CCDC171: variants seen among roughly 807,000 people sequenced by gnomAD.
The protein encoded by CCDC171 is coiled-coil domain containing 171.
In CCDC171, 177 loss-of-function variants were observed where a neutral mutation model predicts 168.2. The observed-to-expected ratio is 1.05, with a 90% CI of 0.93 to 1.19. The LOEUF (loss-of-function observed/expected upper bound fraction) is 1.19. CCDC171 is among the 50% of genes most tolerant of loss of function. CCDC171 has a pLI of 0.00. For synonymous variants in CCDC171, 687 were observed against 540.8 expected, an observed-to-expected ratio of 1.27 and a Z score of -3.75; for missense variants, 1,991 against 1,539.0, an observed-to-expected ratio of 1.29 and a Z score of -4.91.
In CCDC171 at chr9:15,949,348, A is replaced by G. The variant is rs146463206; in HGVS notation, c.3754-22261A>G. On this transcript the variant is annotated intron_variant, in intron 25 of 25. Transcript: ENST00000380701. ...ATGAACTTTAAAGTAGTTTTTTCCA[A>G]TTCTGTGAAGAAAGTCATTAGTAGC... 3.7e-4 allele frequency among the ~76,000 whole-genome samples: 56 copies of G among 152,202 alleles called. No homozygotes were observed. In the East Asian group the frequency reaches 6.2e-3, roughly 17 times the overall value.
chr9:16,061,969 G>A (rs951482547), downstream of CCDC171, among the ~76,000 whole-genome samples: 4 of 152,128 alleles, frequency 2.6e-5, no homozygotes, highest in Non-Finnish European at 5.9e-5. Flanking sequence ...GTTACCAACA[G>A]TTTAAAACCA....
At chr9:15,604,392 CCTT>C (rs2043075731) in intron 6 of CCDC171, among the ~76,000 whole-genome samples, 1 of 152,138 alleles carries the variant, frequency 6.6e-6, no homozygotes, top group South Asian at 2.1e-4. Flanking sequence ...TCATGCCCCT[CCTT>C]TGTTATTTTT....
chr9:15,897,553 A>G (rs543109041), intron 24 of CCDC171, among the ~76,000 whole-genome samples: 16 of 152,236 alleles, frequency 1.1e-4, no homozygotes, highest in African/African-American at 2.6e-4. Flanking sequence ...TGAAATATTT[A>G]TTTACATAAA....
intron 1 of CCDC171, among the ~76,000 whole-genome samples, chr9:15,557,757 A>G (rs2038929625): frequency 6.6e-6 from 1 of 152,120 alleles, no homozygotes; most frequent in Non-Finnish European, 1.5e-5. Flanking sequence ...TGCCCTGGCC[A>G]GAAGTTCCAA....
chr9:15,859,831 T>A (rs2061488675), intron 23 of CCDC171, among the ~76,000 whole-genome samples: 1 of 151,750 alleles, frequency 6.6e-6, no homozygotes, highest in African/African-American at 2.4e-5. Context: ...TGCTAATTTT[T>A]AAATTATTAT....
In CCDC171 at chr9:15,699,275, G is replaced by C. The variant is rs150448101; in HGVS notation, c.1318+3938G>C. ...GTTGTTCGTTCCTCCCGGTGGGCTCGTGGGCTCGCTGGCTCAGGAGTGAAG... is the reference window on the plus strand; with the variant it reads ...GTTGTTCGTTCCTCCCGGTGGGCTCCTGGGCTCGCTGGCTCAGGAGTGAAG... On this transcript the variant is annotated intron_variant, in intron 11 of 25. Transcript: ENST00000380701. Among the ~76,000 whole-genome samples, 288 of 152,072 alleles carry C rather than the reference G, an allele frequency of 1.9e-3. 2 individuals carry two copies. Among genetic ancestry groups the C allele is most frequent in the African/African-American group, 6.1e-3 (255 of 41,480 alleles).
At chr9:15,610,444 TAAAA>T (rs754593075) in intron 6 of CCDC171, among the ~76,000 whole-genome samples, 92 of 12,692 alleles carry the variant, frequency 7.2e-3, no homozygotes, top group African/African-American at 0.016. Context: ...CCATCTCAAC[TAAAA>T]AAAAAAAAAA....
At chr9:15,715,021 A>G (rs891622144) in intron 11 of CCDC171, among the ~76,000 whole-genome samples, 1 of 152,184 alleles carries the variant, frequency 6.6e-6, no homozygotes, top group Admixed American at 6.5e-5. Flanking sequence ...GTCTCTTGTT[A>G]CCCAAGATCC....
the CCDC171 span, among the ~76,000 whole-genome samples, chr9:16,085,319 G>A: frequency 6.6e-6 from 1 of 152,246 alleles, no homozygotes. Context: ...TTACGACACT[G>A]TTGGAAGGGC....
chr9:15,791,155 G>C (rs2058239040), intron 21 of CCDC171, among the ~76,000 whole-genome samples: 2 of 152,148 alleles, frequency 1.3e-5, no homozygotes, highest in African/African-American at 4.8e-5. Flanking sequence ...TAGCTTGATG[G>C]GGATGGCACT....
upstream of CCDC171, among the ~76,000 whole-genome samples, chr9:16,039,186 T>C (rs76837545): frequency 1.2e-3 from 179 of 152,286 alleles, 8 homozygotes; most frequent in East Asian, 0.031. Flanking sequence ...AGGGTCCTTC[T>C]TAGGCAAATT....
At chr9:16,097,472 C>A in the CCDC171 span, among the ~76,000 whole-genome samples, 1 of 152,268 alleles carries the variant, frequency 6.6e-6, no homozygotes, top group Middle Eastern at 3.4e-3. Flanking sequence ...TGGCATTATT[C>A]TCATTTTATT....
intron 11 of CCDC171, among the ~76,000 whole-genome samples, chr9:15,717,957 A>G (rs959907489): frequency 5.3e-5 from 8 of 152,216 alleles, no homozygotes; most frequent in Admixed American, 2.6e-4. Flanking sequence ...AACAGCAGAG[A>G]GAAGAATAAA....
chr9:15,576,116 T>TATC (rs141229573), intron 3 of CCDC171, among the ~76,000 whole-genome samples: 79,425 of 147,716 alleles, frequency 0.54, 21,913 homozygotes, highest in East Asian at 0.84. Flanking sequence ...TATAGCTACA[T>TATC]ATATATCATA....
At chr9:15,671,210 A>T (rs1301958118) in intron 9 of CCDC171, among the ~76,000 whole-genome samples, 1 of 152,178 alleles carries the variant, frequency 6.6e-6, no homozygotes, top group Non-Finnish European at 1.5e-5. Context: ...AATTATTTGT[A>T]AACACTAACA....
intron 3 of CCDC171, among the ~76,000 whole-genome samples, chr9:16,011,810 G>T (rs3008718): frequency 0.89 from 135,806 of 152,236 alleles, 60,759 homozygotes; most frequent in Admixed American, 0.92. Context: ...CAATAGAATG[G>T]GAGAAGTTTG....
In CCDC171 at chr9:15,564,092, A is replaced by G; in HGVS notation, c.4A>G (p.Asn2Asp). Residue 2 changes from asparagine to aspartate, a missense_variant, in exon 2 of 26, where the codon AAT becomes GAT. Coordinates refer to ENST00000380701, the MANE Select transcript of CCDC171 (RefSeq NM_173550.4). The stretch of plus-strand genomic sequence containing the variant: ...TTTGAAAGAGTTGGAAAACATCATG[A>G]ATTTGAATACTTCAAGTAATACTGG... M[N>D]LNTSSNTGDT... 1 of 1,605,542 alleles carries G rather than the reference A, an allele frequency of 6.2e-7. No individual in the cohort carries two copies.
chr9:15,744,158 C>T (rs1280722585), intron 16 of CCDC171, 115 bp from the exon 17 acceptor site: 1 of 818,266 alleles, frequency 1.2e-6, no homozygotes, highest in African/African-American at 1.7e-5. Context: ...GCACATGTAT[C>T]TTTTAAAGAG....
At chr9:15,855,942 A>G (rs1357636897) in intron 23 of CCDC171, among the ~76,000 whole-genome samples, 1 of 151,968 alleles carries the variant, frequency 6.6e-6, no homozygotes, top group African/African-American at 2.4e-5. Flanking sequence ...GAAGAAAAAG[A>G]GGAGTTACAA....
Sources: allele counts gnomAD v4.1 joint callset (sites outside exome capture counted in the v4.1 genomes callset), GRCh38; gene constraint gnomAD v4.1.1; transcripts MANE v1.5; gene names NCBI Gene and HGNC (gene_info 2026-07-23, HGNC 2026-07-21).